SLC6A11: variants seen among roughly 807,000 people sequenced by gnomAD.
The protein encoded by SLC6A11 is sodium- and chloride-dependent GABA transporter 3.
SLC6A11 carries 25 observed loss-of-function variants against 74.8 expected under a neutral mutation model. The observed-to-expected ratio is 0.33, with a 90% confidence interval of 0.24 to 0.47. SLC6A11 has a LOEUF of 0.47. Ranked by LOEUF, SLC6A11 falls within the 20% of genes least tolerant of loss-of-function variation. The pLI is 1.00. For synonymous variants in SLC6A11, 330 were observed against 330.2 expected (o/e 1.00, Z 0.01); for missense variants, 574 against 837.0 (o/e 0.69, Z 3.88).
chr3:10,840,219 C>G (rs1694420348), intron 4 of SLC6A11, among the ~76,000 whole-genome samples: 1 of 152,222 alleles, frequency 6.6e-6, no homozygotes, highest in South Asian at 2.1e-4. Flanking sequence ...CCAGCCCTAG[C>G]TGCACTCACC....
chr3:10,871,806 C>T (rs1468019372), intron 5 of SLC6A11, among the ~76,000 whole-genome samples: 1 of 152,128 alleles, frequency 6.6e-6, no homozygotes, highest in Non-Finnish European at 1.5e-5. Context: ...GATTACTTGA[C>T]ATGTCGATTG....
intron 6 of SLC6A11, among the ~76,000 whole-genome samples, chr3:10,895,067 A>G (rs1451724498): frequency 6.6e-6 from 1 of 152,142 alleles, no homozygotes; most frequent in African/African-American, 2.4e-5. Flanking sequence ...GGAGATGATA[A>G]TAGTACCAGC....
intron 6 of SLC6A11, among the ~76,000 whole-genome samples, chr3:10,891,778 C>T (rs1042459808): frequency 1.3e-5 from 2 of 152,164 alleles, no homozygotes; most frequent in Non-Finnish European, 2.9e-5. Context: ...TCTATTTGCT[C>T]ATCTATGAAA....
chr3:10,854,774 G>A (rs1463002269), intron 5 of SLC6A11, among the ~76,000 whole-genome samples: 1 of 152,204 alleles, frequency 6.6e-6, no homozygotes, highest in Non-Finnish European at 1.5e-5. Flanking sequence ...CTCTGTTTCA[G>A]TCCAGTCTTC....
chr3:10,932,745 G>A (rs527965349), intron 10 of SLC6A11, among the ~76,000 whole-genome samples: 99 of 152,274 alleles, frequency 6.5e-4, no homozygotes, highest in Non-Finnish European at 1.1e-3. Context: ...GGATTTGCAC[G>A]TTTCAGAGGA....
rs182791016 is a variant in SLC6A11, at chr3:10,874,831, C to T, written c.757-130C>T. 4.0e-4 allele frequency: 336 copies of T among 839,934 alleles called. 1 individual carries two copies. The highest frequency in any genetic ancestry group is 3.6e-3 in the African/African-American group (210 of 58,558). The allele number at this position is 839,934 out of a possible 1,614,324, so 52.0% of individuals were successfully genotyped here. A position where few individuals can be genotyped will look rare whatever the true frequency, so the allele number is the denominator to read the frequency against. ...ATCAAGCAAATGTGGTCTATACACGCGGGGGAATGCTGGTCAGCCTTGGGA... is the reference window on the plus strand; with the variant it reads ...ATCAAGCAAATGTGGTCTATACACGTGGGGGAATGCTGGTCAGCCTTGGGA... On this transcript the variant is annotated intron_variant, in intron 5 of 13. Coordinates refer to ENST00000254488, the MANE Select transcript of SLC6A11 (RefSeq NM_014229.3).
In SLC6A11 at chr3:10,938,466, G is replaced by A. The variant is rs181652480; in HGVS notation, c.*64G>A. ...CCCCCGTGTATGTAAATGAATTCCT[G>A]AACCCCATACTTCACCTAATGGTAG... On this transcript the variant is annotated 3_prime_UTR_variant, in exon 14 of 14. Transcript: ENST00000254488. The A allele has an allele frequency of 1.8e-4, 268 of 1,495,770 alleles. 1 individual carries two copies. In the East Asian group the frequency reaches 5.0e-3, roughly 28 times the overall value. 92.7% of individuals were successfully genotyped at this position (1,495,770 alleles called of 1,614,324 possible). A position where few individuals can be genotyped will look rare whatever the true frequency, so the allele number is the denominator to read the frequency against.
At chr3:10,861,782 A>T (rs900634247) in intron 5 of SLC6A11, among the ~76,000 whole-genome samples, 1 of 152,178 alleles carries the variant, frequency 6.6e-6, no homozygotes, top group Non-Finnish European at 1.5e-5. Flanking sequence ...AGGTGAGAAC[A>T]AGAGGTGAGC....
At chr3:10,876,976 C>T (rs1484530999) in intron 6 of SLC6A11, among the ~76,000 whole-genome samples, 8 of 152,104 alleles carry the variant, frequency 5.3e-5, no homozygotes, top group Non-Finnish European at 2.9e-5. Context: ...TTCCTTCTCC[C>T]TTCCCTCTTT....
chr3:10,925,214 TTAAAG>T (rs1695587388), intron 8 of SLC6A11, among the ~76,000 whole-genome samples: 3 of 152,216 alleles, frequency 2.0e-5, no homozygotes, highest in African/African-American at 7.2e-5. Context: ...AAGCTGCTCT[TTAAAG>T]TAAAAAATCA....
chr3:10,831,271 A>G (rs1694293011), intron 4 of SLC6A11, among the ~76,000 whole-genome samples: 1 of 152,108 alleles, frequency 6.6e-6, no homozygotes, highest in Non-Finnish European at 1.5e-5. Context: ...TTGTCCCCAA[A>G]TCCTACTTCT....
rs75852339 is a variant in SLC6A11, at chr3:10,817,056, A to G, written c.256+535A>G. Among the ~76,000 whole-genome samples, 107 of 152,314 alleles carry G rather than the reference A, an allele frequency of 7.0e-4. 1 individual carries two copies. The East Asian group carries it at 0.019, about 28-fold the overall frequency. ...GGGTCAGAGAAGTCTCACTCGACCA[A>G]AAATAAAGATGAGATTCTGATGTCA... On this transcript the variant is annotated intron_variant, in intron 1 of 13. Coordinates refer to ENST00000254488, the MANE Select transcript of SLC6A11 (RefSeq NM_014229.3).
At chr3:10,910,349 G>A (rs1695370234) in intron 6 of SLC6A11, among the ~76,000 whole-genome samples, 1 of 152,146 alleles carries the variant, frequency 6.6e-6, no homozygotes, top group African/African-American at 2.4e-5. Flanking sequence ...AAAGAGTTCT[G>A]GGGTCCAGTG....
intron 5 of SLC6A11, among the ~76,000 whole-genome samples, chr3:10,850,184 A>G (rs558564354): frequency 4.0e-4 from 61 of 152,338 alleles, no homozygotes; most frequent in African/African-American, 1.2e-3. Context: ...GTAAATTGCT[A>G]TCACCCAAAG....
Position 10,907,863 on chromosome 3 carries a change from A to G in SLC6A11, c.892-4227A>G, listed in dbSNP as rs1695326304. 2.0e-5 allele frequency among the ~76,000 whole-genome samples: 3 copies of G among 152,372 alleles called. 1 individual carries two copies. In the South Asian group the frequency reaches 6.2e-4, roughly 32 times the overall value. On this transcript the variant is annotated intron_variant, in intron 6 of 13. Coordinates refer to ENST00000254488, the MANE Select transcript of SLC6A11 (RefSeq NM_014229.3). Reference sequence around the variant, plus strand: ...ATTTCCTATGAGACTTTCCAGAGGAATTTACTGGAAAACATTCTACAGATA... The same window carrying G: ...ATTTCCTATGAGACTTTCCAGAGGAGTTTACTGGAAAACATTCTACAGATA...
In SLC6A11 at chr3:10,929,468, C is replaced by T. The variant is rs989056061; in HGVS notation, c.1371+129C>T. The stretch of plus-strand genomic sequence containing the variant: ...TCTGCCACTCGGTTTATGCTTCCTC[C>T]TAGCGGGTCATGGTGAGGATCTAAT... On this transcript the variant is annotated intron_variant, in intron 10 of 13. Coordinates refer to ENST00000254488, the MANE Select transcript of SLC6A11 (RefSeq NM_014229.3). 1.6e-5 allele frequency: 15 copies of T among 963,776 alleles called. No homozygotes were observed. The African/African-American group carries it at 2.3e-4, about 15-fold the overall frequency. 59.7% of individuals were successfully genotyped at this position (963,776 alleles called of 1,614,324 possible).
intron 1 of SLC6A11, among the ~76,000 whole-genome samples, chr3:10,818,090 A>T (rs1393387257): frequency 6.6e-6 from 1 of 151,434 alleles, no homozygotes; most frequent in Non-Finnish European, 1.5e-5. Flanking sequence ...TTTTTTAAAA[A>T]AAAAGGTTGT....
chr3:10,845,478 A>G (rs760887810), intron 5 of SLC6A11, among the ~76,000 whole-genome samples: 2 of 152,210 alleles, frequency 1.3e-5, no homozygotes, highest in Non-Finnish European at 2.9e-5. Flanking sequence ...GCAGTTGCTC[A>G]TAAACTCTAA....
intron 8 of SLC6A11, among the ~76,000 whole-genome samples, chr3:10,923,897 C>T (rs1444178290): frequency 2.0e-5 from 3 of 152,056 alleles, no homozygotes; most frequent in Non-Finnish European, 4.4e-5. Context: ...AAGGATATAA[C>T]ATCACTGCTG....
Sources: gnomAD v4.1 joint callset for allele counts (sites outside exome capture counted in the v4.1 genomes callset) on GRCh38, gnomAD v4.1.1 for gene constraint, MANE v1.5 for transcripts, NCBI Gene and HGNC (gene_info 2026-07-23, HGNC 2026-07-21) for gene names.